The following SSH2 variants were observed in gnomAD, a reference collection of about 807,000 sequenced individuals.
SSH2 encodes protein phosphatase Slingshot homolog 2.
Under a neutral mutation model 135.2 loss-of-function variants are expected in SSH2, and 37 were observed. That is an observed-to-expected ratio of 0.27 (90% CI 0.21 to 0.36). The LOEUF (loss-of-function observed/expected upper bound fraction) is 0.36, where lower values mean the gene tolerates loss of function less well. Among genes scored for constraint, SSH2 ranks in the 10% least tolerant of loss-of-function variants. The pLI is 1.00. For missense variants in SSH2, 1,408 were observed against 1,765.3 expected, an observed-to-expected ratio of 0.80 and a Z score of 3.63; for synonymous variants, 628 against 646.2, an observed-to-expected ratio of 0.97 and a Z score of 0.43.
At chr17:29,920,859 A>C (rs2066965160) in intron 1 of SSH2, among the ~76,000 whole-genome samples, 1 of 152,142 alleles carries the variant, frequency 6.6e-6, no homozygotes, top group South Asian at 2.1e-4. Context: ...TGTATATACA[A>C]ATGAATGAAA....
chr17:29,913,350 A>AAAT (rs2066813780), intron 1 of SSH2, among the ~76,000 whole-genome samples: 3 of 30,876 alleles, frequency 9.7e-5, no homozygotes, highest in South Asian at 1.3e-3. Flanking sequence ...AAAAAAAAAT[A>AAAT]TATATATATA....
At chr17:29,743,168 G>A (rs2040630267) in intron 3 of SSH2, among the ~76,000 whole-genome samples, 1 of 151,770 alleles carries the variant, frequency 6.6e-6, no homozygotes, top group African/African-American at 2.4e-5. Context: ...CTGGCCTCAA[G>A]CAATCCAAAA....
At chr17:29,731,478 T>TG (rs1300113225) in intron 3 of SSH2, among the ~76,000 whole-genome samples, 4 of 150,860 alleles carry the variant, frequency 2.7e-5, no homozygotes, top group Non-Finnish European at 5.9e-5. Context: ...TATTTTGAGA[T>TG]GGAGTCTCAC....
chr17:29,798,452 C>T (rs1053220212), intron 2 of SSH2, among the ~76,000 whole-genome samples: 1 of 152,106 alleles, frequency 6.6e-6, no homozygotes, highest in Admixed American at 6.6e-5. Flanking sequence ...CCACCGTGCC[C>T]AGCTCAATCT....
At chr17:29,860,286 A>G (rs1389727482) in intron 1 of SSH2, among the ~76,000 whole-genome samples, 1 of 152,100 alleles carries the variant, frequency 6.6e-6, no homozygotes. Flanking sequence ...TTGACTTTTA[A>G]TAATAGCCAT....
intron 6 of SSH2, among the ~76,000 whole-genome samples, chr17:29,678,982 T>C (rs928260622): frequency 1.3e-5 from 2 of 151,728 alleles, no homozygotes; most frequent in African/African-American, 4.9e-5. Context: ...TCCCAAAGTG[T>C]TGGGATTACA....
chr17:29,763,442 G>A (rs1447772696), intron 3 of SSH2, among the ~76,000 whole-genome samples: 2 of 151,504 alleles, frequency 1.3e-5, no homozygotes, highest in African/African-American at 2.4e-5. Flanking sequence ...TGGCAAACTT[G>A]CCAGTTTGAA....
intron 1 of SSH2, among the ~76,000 whole-genome samples, chr17:29,859,855 T>C (rs1036755968): frequency 6.6e-6 from 1 of 152,170 alleles, no homozygotes; most frequent in Non-Finnish European, 1.5e-5. Context: ...TTTTTGTTTT[T>C]GTTTTTTTGA....
At chr17:29,829,009 T>G (rs1400266218) in intron 2 of SSH2, among the ~76,000 whole-genome samples, 4 of 152,180 alleles carry the variant, frequency 2.6e-5, no homozygotes, top group Middle Eastern at 3.2e-3. Flanking sequence ...TTCTGTACCA[T>G]TTGAGACTAG....
At chr17:29,745,995 A>C (rs1050460582) in intron 3 of SSH2, among the ~76,000 whole-genome samples, 1 of 152,176 alleles carries the variant, frequency 6.6e-6, no homozygotes, top group Non-Finnish European at 1.5e-5. Flanking sequence ...ATCTTTTAAG[A>C]GTTTTTAAAG....
chr17:29,654,978 C>T (rs2036723465), intron 12 of SSH2, among the ~76,000 whole-genome samples: 1 of 152,154 alleles, frequency 6.6e-6, no homozygotes, highest in Non-Finnish European at 1.5e-5. Context: ...TGTATTCTTG[C>T]ATAAAAATAA....
rs776628583 is a variant in SSH2 at position 29,636,480 on chromosome 17, C to T, written c.1750G>A (p.Gly584Arg). The T allele has an allele frequency of 5.0e-6, 8 of 1,614,102 alleles. No homozygotes were observed. In the Admixed American group the frequency reaches 1.3e-4, roughly 27 times the overall value. Residue 584 changes from glycine to arginine, a missense_variant, in exon 15 of 16, where the codon GGG becomes AGG. Physicochemically the swap from Gly to Arg is moderately radical, Grantham distance 125 (BLOSUM62 -2). Around this residue, in one of 3 missense-constraint regions of SSH2, gnomAD observed 1,080 missense variants for 1,144.5 expected, o/e 0.94. Coordinates refer to ENST00000540801, the MANE Select transcript of SSH2 (RefSeq NM_001282129.2). ...AATTTTGATTCATTCAGACAACACCCTGATGAGCATCCATTGATGTCATTT... is the reference window on the plus strand; with the variant it reads ...AATTTTGATTCATTCAGACAACACCTTGATGAGCATCCATTGATGTCATTT... Reference protein sequence around the residue: ...NLNDINGCSSGCCLNESKFPL... With the variant: ...NLNDINGCSSRCCLNESKFPL...
chr17:29,866,863 C>T lies in SSH2; in HGVS notation c.64-17934G>A, dbSNP rs9900826. 6.9e-3 allele frequency among the ~76,000 whole-genome samples: 1,047 copies of T among 152,232 alleles called. 7 individuals carry two copies. Among genetic ancestry groups the T allele is most frequent in the African/African-American group, 0.024 (1,003 of 41,534 alleles). The stretch of plus-strand genomic sequence containing the variant: ...ATTTTTATTTTTAGAGACAAGGTCT[C>T]GCTCTGTTGCCCAGGCTGGAGTGCA... On this transcript the variant is annotated intron_variant, in intron 1 of 15. Transcript: ENST00000540801.
At chr17:29,738,020 T>C (rs185573452) in intron 3 of SSH2, among the ~76,000 whole-genome samples, 4 of 152,326 alleles carry the variant, frequency 2.6e-5, no homozygotes, top group African/African-American at 9.6e-5. Context: ...GTTGGTGTGC[T>C]GCACCCATTA....
At chr17:29,767,418 T>C (rs2041472786) in intron 3 of SSH2, among the ~76,000 whole-genome samples, 1 of 152,006 alleles carries the variant, frequency 6.6e-6, no homozygotes, top group Admixed American at 6.5e-5. Context: ...CATTTTATTT[T>C]TTAAACTAGT....
At chr17:29,655,453 C>T in intron 12 of SSH2, 108 bp downstream of exon 12, 1 of 1,028,132 alleles carries the variant, frequency 9.7e-7, no homozygotes, top group Non-Finnish European at 1.5e-6. Context: ...CAGTCAGATG[C>T]AACTCTTAAG....
At chr17:29,767,505 C>G (rs765043695) in intron 3 of SSH2, among the ~76,000 whole-genome samples, 5 of 151,204 alleles carry the variant, frequency 3.3e-5, no homozygotes, top group African/African-American at 4.9e-5. Context: ...TGAAAGTCAC[C>G]ATTCTCATTC....
At chr17:29,789,455 A>C (rs1037808697) in intron 3 of SSH2, among the ~76,000 whole-genome samples, 5 of 152,224 alleles carry the variant, frequency 3.3e-5, no homozygotes, top group Non-Finnish European at 7.3e-5. Context: ...GAAACAGAGA[A>C]AATGAAATGG....
chr17:29,736,765 T>C (rs1413670486), intron 3 of SSH2, among the ~76,000 whole-genome samples: 1,193 of 74,544 alleles, frequency 0.016, no homozygotes, highest in Middle Eastern at 0.14. Context: ...CCAGCCTGGG[T>C]GACAGAGCAA....
Sources: allele counts gnomAD v4.1 joint callset (sites outside exome capture counted in the v4.1 genomes callset), GRCh38; gene constraint gnomAD v4.1.1; regional missense constraint gnomAD v4.1.1; transcripts MANE v1.5; gene names NCBI Gene and HGNC (gene_info 2026-07-23, HGNC 2026-07-21).